UGT1A7: variants seen among roughly 807,000 people sequenced by gnomAD.
UGT1A7 encodes the protein UDP glucuronosyltransferase family 1 member A7.
In UGT1A7, 33 loss-of-function variants were observed where a neutral mutation model predicts 45.6. That is an observed-to-expected ratio of 0.72 (90% CI 0.55 to 0.97). The LOEUF is 0.97. Among genes scored for constraint, UGT1A7 ranks in the 50% least tolerant of loss-of-function variants. The pLI is 0.00. For synonymous variants in UGT1A7, 274 were observed against 250.6 expected, an observed-to-expected ratio of 1.09 and a Z score of -0.88; for missense variants, 684 against 666.2, an observed-to-expected ratio of 1.03 and a Z score of -0.29.
At chr2:233,738,159 T>C (rs1033238809) in intron 1 of UGT1A7, among the ~76,000 whole-genome samples, 2 of 152,228 alleles carry the variant, frequency 1.3e-5, no homozygotes, top group African/African-American at 4.8e-5. Context: ...GCTATTCCTC[T>C]TTCTCTCTTT....
intron 1 of UGT1A7, among the ~76,000 whole-genome samples, chr2:233,726,395 C>G (rs2077529698): frequency 6.6e-6 from 1 of 152,174 alleles, no homozygotes; most frequent in African/African-American, 2.4e-5. Flanking sequence ...ATCTCATAGT[C>G]TTTTGATGTC....
At chr2:233,707,920 A>C (rs1233939491) in intron 1 of UGT1A7, among the ~76,000 whole-genome samples, 2 of 152,212 alleles carry the variant, frequency 1.3e-5, no homozygotes. Context: ...TGAGGGTTTT[A>C]AAATATACTT....
chr2:233,740,676 A>C (rs1309493094), intron 1 of UGT1A7: 3 of 151,760 alleles, frequency 2.0e-5, no homozygotes, highest in Non-Finnish European at 4.4e-5. Flanking sequence ...AGGTGTTTCC[A>C]TGGAGGGTGT....
At chr2:233,724,935 G>A (rs1212268731) in intron 1 of UGT1A7, among the ~76,000 whole-genome samples, 1 of 143,666 alleles carries the variant, frequency 7.0e-6, no homozygotes, top group South Asian at 2.5e-4. Flanking sequence ...ACGAGACTCC[G>A]TCTGCAATCC....
intron 1 of UGT1A7, among the ~76,000 whole-genome samples, chr2:233,750,965 G>A (rs1482754384): frequency 1.3e-5 from 2 of 151,940 alleles, no homozygotes; most frequent in Admixed American, 6.5e-5. Context: ...CTGGGGCACT[G>A]CCTAGTGGAG....
chr2:233,690,954 G>T lies in UGT1A7; in HGVS notation c.855+8162G>T, dbSNP rs2075022883. The stretch of plus-strand genomic sequence containing the variant: ...CTTCCTCCAACTCATGTTCTGTAGG[G>T]ACTTCTGGGACTAAGAACAGGACCC... On this transcript the variant is annotated intron_variant, in intron 1 of 4. Transcript: ENST00000373426. 9.9e-6 allele frequency: 10 copies of T among 1,008,082 alleles called. No homozygotes were observed. The South Asian group carries it at 1.3e-4, about 13-fold the overall frequency. 62.4% of individuals were successfully genotyped at this position (1,008,082 alleles called of 1,614,324 possible).
intron 1 of UGT1A7, among the ~76,000 whole-genome samples, chr2:233,758,456 A>T (rs1329200911): frequency 2.0e-5 from 3 of 152,254 alleles, no homozygotes; most frequent in Non-Finnish European, 4.4e-5. Flanking sequence ...TGGAAGAATT[A>T]TCACCCTTAA....
At position 233,719,606 on chromosome 2, in the gene UGT1A7, G is replaced by A. The variant is rs762263930; in HGVS notation, c.855+36814G>A. The A allele has an allele frequency of 4.3e-6, 7 of 1,614,054 alleles. No individual in the cohort carries two copies. In the East Asian group the frequency reaches 1.3e-4, roughly 31 times the overall value. On this transcript the variant is annotated intron_variant, in intron 1 of 4. Transcript: ENST00000373426. ...TGTGGCTGTTCCGAGGGGACTTTGTGATGGACTACCCCAGGCCGATCATGC... is the reference window on the plus strand; with the variant it reads ...TGTGGCTGTTCCGAGGGGACTTTGTAATGGACTACCCCAGGCCGATCATGC...
chr2:233,746,760 G>A (rs1693469059), intron 1 of UGT1A7, among the ~76,000 whole-genome samples: 1 of 151,816 alleles, frequency 6.6e-6, no homozygotes, highest in South Asian at 2.1e-4. Context: ...AGATTAATTG[G>A]ATTGCTTAGT....
chr2:233,715,507 C>A (rs1195776038), intron 1 of UGT1A7, among the ~76,000 whole-genome samples: 1 of 152,122 alleles, frequency 6.6e-6, no homozygotes, highest in East Asian at 1.9e-4. Flanking sequence ...GTGGGTAGCT[C>A]ACACCTGTAA....
chr2:233,755,959 G>C (rs2125939484), intron 1 of UGT1A7: 1 of 152,196 alleles, frequency 6.6e-6, no homozygotes, highest in East Asian at 1.9e-4. Flanking sequence ...TTTAGTACTT[G>C]GCTCTATAGA....
At chr2:233,698,567 G>T (rs2075448445) in intron 1 of UGT1A7, among the ~76,000 whole-genome samples, 1 of 152,166 alleles carries the variant, frequency 6.6e-6, no homozygotes, top group Admixed American at 6.5e-5. Context: ...TTAAGAACAT[G>T]TTTAATTTCA....
At chr2:233,724,425 G>C (rs1323206550) in intron 1 of UGT1A7, among the ~76,000 whole-genome samples, 9 of 126,856 alleles carry the variant, frequency 7.1e-5, no homozygotes, top group Admixed American at 1.5e-4. Context: ...CGGGCGGAGA[G>C]GCTCCTCACT....
rs879204025 is a variant in UGT1A7, at chr2:233,769,857, C to CAA, written c.1295+1434_1295+1435dup. On this transcript the variant is annotated intron_variant, in intron 4 of 4. Transcript: ENST00000373426. This position sits in a 1 kb window ranked among gnomAD's most constrained non-coding sequence, Gnocchi z 4.4. The stretch of plus-strand genomic sequence containing the variant: ...TGGGCAACAGAGTGAGACCCTGTCT[C>CAA]AAAAAAAAAAAAAAAAATGAAAAGT... The CAA allele has an allele frequency of 9.9e-3, 2,209 of 224,054 alleles. 3 individuals are homozygous for CAA. The highest frequency in any genetic ancestry group is 0.012 in the South Asian group (106 of 9,094). The allele number at this position is 224,054 out of a possible 1,614,324, so 13.9% of individuals were successfully genotyped here.
intron 1 of UGT1A7, among the ~76,000 whole-genome samples, chr2:233,727,119 T>C (rs1478640841): frequency 6.6e-6 from 1 of 152,204 alleles, no homozygotes; most frequent in Non-Finnish European, 1.5e-5. Flanking sequence ...GTCTGTGAGA[T>C]TGGCAGAGGG....
chr2:233,702,417 G>A lies in UGT1A7; in HGVS notation c.855+19625G>A, dbSNP rs1157747013. ...CATGTTATCTACAAATAGAGATAGCGTTACTTCTTCCTTTCTAATAAGGAT... is the reference window on the plus strand; with the variant it reads ...CATGTTATCTACAAATAGAGATAGCATTACTTCTTCCTTTCTAATAAGGAT... On this transcript the variant is annotated intron_variant, in intron 1 of 4. Transcript: ENST00000373426. 7.2e-5 allele frequency among the ~76,000 whole-genome samples: 11 copies of A among 151,972 alleles called. No individual in the cohort carries two copies. The East Asian group carries it at 1.9e-3, about 27-fold the overall frequency.
chr2:233,733,834 A>G (rs887366512), intron 1 of UGT1A7, among the ~76,000 whole-genome samples: 1 of 152,086 alleles, frequency 6.6e-6, no homozygotes, highest in Admixed American at 6.6e-5. Flanking sequence ...TGAGTTAGGG[A>G]GGATTCCCTC....
rs1700543708 is a variant in UGT1A7 at position 233,772,722 on chromosome 2, T to TA, written c.*164dup. On this transcript the variant is annotated 3_prime_UTR_variant, in exon 5 of 5. Transcript: ENST00000373426. ...AAAAAATTCTCTTAAATAAAAATAA[T>TA]AGACTCGCTAGTCAGTAAAGATATT... 1 of 1,454,026 alleles carries TA rather than the reference T, an allele frequency of 6.9e-7. No homozygotes were observed. The highest frequency in any genetic ancestry group is 9.0e-7 in the Non-Finnish European group (1 of 1,106,108). The allele number at this position is 1,454,026 out of a possible 1,614,324, so 90.1% of individuals were successfully genotyped here. A position where few individuals can be genotyped will look rare whatever the true frequency, so the allele number is the denominator to read the frequency against.
At chr2:233,687,497 C>T (rs1471270265) in intron 1 of UGT1A7, among the ~76,000 whole-genome samples, 1 of 147,862 alleles carries the variant, frequency 6.8e-6, no homozygotes, top group Non-Finnish European at 1.5e-5. Context: ...GATGATGAAA[C>T]TGAGGCACAG....
Sources: gnomAD v4.1 joint callset for allele counts (sites outside exome capture counted in the v4.1 genomes callset) on GRCh38, gnomAD v4.1.1 for gene constraint, Gnocchi (gnomAD v3.1) non-coding constraint, MANE v1.5 for transcripts, NCBI Gene and HGNC (gene_info 2026-07-23, HGNC 2026-07-21) for gene names.